Variants in PTPRM observed in about 807,000 individuals in gnomAD.
PTPRM encodes receptor-type tyrosine-protein phosphatase mu.
PTPRM carries 47 observed loss-of-function variants against 186.7 expected under a neutral mutation model. The ratio of observed to expected loss-of-function variants is 0.25; its 90% CI spans 0.20 to 0.32. The LOEUF (loss-of-function observed/expected upper bound fraction) is 0.32. Ranked by LOEUF, PTPRM falls within the 10% of genes least tolerant of loss-of-function variation. PTPRM has a pLI of 1.00. For missense variants in PTPRM, 1,494 were observed against 1,865.0 expected (o/e 0.80, Z 3.66); for synonymous variants, 668 against 674.9 (o/e 0.99, Z 0.16).
At chr18:7,979,120 G>A (rs1046264966) in intron 7 of PTPRM, among the ~76,000 whole-genome samples, 4 of 152,274 alleles carry the variant, frequency 2.6e-5, no homozygotes, top group East Asian at 3.9e-4. Flanking sequence ...AGGGAGGGCA[G>A]AGAGATGATT....
At chr18:8,101,025 T>C (rs1355703404) in intron 11 of PTPRM, among the ~76,000 whole-genome samples, 1 of 152,214 alleles carries the variant, frequency 6.6e-6, no homozygotes, top group East Asian at 1.9e-4. Context: ...GTGCATTCAT[T>C]TGGTAAAATC....
intron 2 of PTPRM, among the ~76,000 whole-genome samples, chr18:7,851,714 G>A (rs1050449580): frequency 6.6e-6 from 1 of 152,190 alleles, no homozygotes; most frequent in Non-Finnish European, 1.5e-5. Context: ...AGTTCTTTTG[G>A]CAAAAGAAAA....
chr18:7,926,670 G>A lies in PTPRM; in HGVS notation c.650G>A (p.Arg217Lys). 1 of 1,612,428 alleles carries A rather than the reference G, an allele frequency of 6.2e-7. No individual in the cohort carries two copies. The highest frequency in any genetic ancestry group is 8.5e-7 in the Non-Finnish European group (1 of 1,179,592). The change falls in exon 5 of 33, where the codon AGG becomes AAG. Residue 217 changes from arginine to lysine, a missense_variant. Around this residue, in one of 3 missense-constraint regions of PTPRM, gnomAD observed 296 missense variants for 345.5 expected, o/e 0.86. Coordinates refer to ENST00000580170, the MANE Select transcript of PTPRM (RefSeq NM_001105244.2). ...SAIGRTVAGD[R>K]LWLQGIDVRD... ...ATCGGCAGGACCGTGGCAGGAGACAGGCTCTGGTTACAGGTACAGTAACTC... is the reference window on the plus strand; with the variant it reads ...ATCGGCAGGACCGTGGCAGGAGACAAGCTCTGGTTACAGGTACAGTAACTC...
intron 5 of PTPRM, among the ~76,000 whole-genome samples, chr18:7,940,145 A>C (rs999133943): frequency 6.6e-6 from 1 of 152,166 alleles, no homozygotes; most frequent in African/African-American, 2.4e-5. Context: ...AGGGAATGGA[A>C]TCTGGGGACC....
At chr18:7,819,144 T>A (rs2045023107) in intron 2 of PTPRM, among the ~76,000 whole-genome samples, 1 of 151,950 alleles carries the variant, frequency 6.6e-6, no homozygotes, top group Admixed American at 6.6e-5. Context: ...GGCAGGGGAG[T>A]CCTGGGAGGA....
chr18:8,261,293 G>A (rs1473792772), intron 19 of PTPRM, among the ~76,000 whole-genome samples: 1 of 152,184 alleles, frequency 6.6e-6, no homozygotes, highest in African/African-American at 2.4e-5. Context: ...AATGCATTAA[G>A]AATCACACGG....
intron 19 of PTPRM, among the ~76,000 whole-genome samples, chr18:8,261,145 C>T (rs1601527910): frequency 6.6e-6 from 1 of 152,264 alleles, no homozygotes; most frequent in South Asian, 2.1e-4. Flanking sequence ...TTTCGAGGGA[C>T]CAGCTGAGTC....
At chr18:7,955,796 C>G (rs2053271021) in intron 7 of PTPRM, among the ~76,000 whole-genome samples, 2 of 152,124 alleles carry the variant, frequency 1.3e-5, no homozygotes, top group Admixed American at 1.3e-4. Context: ...TGCCAGCAGC[C>G]TGGAGGGGCT....
At chr18:7,930,777 G>A (rs1231200404) in intron 5 of PTPRM, among the ~76,000 whole-genome samples, 1 of 152,048 alleles carries the variant, frequency 6.6e-6, no homozygotes, top group Non-Finnish European at 1.5e-5. Context: ...CCAAGGTTTT[G>A]ATTTTTTTAA....
rs1010551012 is a variant in PTPRM, at chr18:8,315,535, G to A, written c.2919+678G>A. ...GAAAGAATGAATGAAATCAAAAGTA[G>A]ACTGAAAAATCAAGGGAAAGTTGCT... On this transcript the variant is annotated intron_variant, in intron 21 of 32. Coordinates refer to ENST00000580170, the MANE Select transcript of PTPRM (RefSeq NM_001105244.2). Among the ~76,000 whole-genome samples the A allele has an allele frequency of 3.9e-5, 6 of 152,172 alleles. No individual in the cohort carries two copies. The East Asian group carries it at 1.2e-3, about 29-fold the overall frequency.
intron 32 of PTPRM, among the ~76,000 whole-genome samples, chr18:8,401,519 AG>A (rs1256490844): frequency 2.0e-5 from 3 of 152,208 alleles, no homozygotes; most frequent in African/African-American, 7.2e-5. Context: ...TCCAGCCCGA[AG>A]GATCTGTCCG....
chr18:7,932,112 A>G (rs1374251008), intron 5 of PTPRM, among the ~76,000 whole-genome samples: 1 of 152,180 alleles, frequency 6.6e-6, no homozygotes, highest in Non-Finnish European at 1.5e-5. Context: ...AGTGGGTGGG[A>G]AATACAAAGG....
intron 13 of PTPRM, among the ~76,000 whole-genome samples, chr18:8,136,124 A>C (rs1250697708): frequency 1.3e-5 from 2 of 152,226 alleles, no homozygotes; most frequent in African/African-American, 4.8e-5. Flanking sequence ...AGTTTCAAGC[A>C]AATGGTTGGA....
intron 1 of PTPRM, among the ~76,000 whole-genome samples, chr18:7,631,244 T>C (rs2038184037): frequency 6.6e-6 from 1 of 152,182 alleles, no homozygotes; most frequent in Non-Finnish European, 1.5e-5. Flanking sequence ...CAGCTTTAAA[T>C]TGAAACTGAA....
chr18:8,116,218 CT>C (rs1262406097), intron 13 of PTPRM, among the ~76,000 whole-genome samples: 4 of 152,164 alleles, frequency 2.6e-5, no homozygotes, highest in Non-Finnish European at 5.9e-5. Flanking sequence ...CAAAATACTG[CT>C]GTATTACATT....
chr18:7,852,368 G>A (rs911806896), intron 2 of PTPRM, among the ~76,000 whole-genome samples: 1 of 151,816 alleles, frequency 6.6e-6, no homozygotes, highest in Non-Finnish European at 1.5e-5. Context: ...CTAGAGGCCA[G>A]GAGTTCAAGA....
At chr18:7,736,525 C>T (rs951305090) in intron 1 of PTPRM, among the ~76,000 whole-genome samples, 1 of 152,102 alleles carries the variant, frequency 6.6e-6, no homozygotes, top group Non-Finnish European at 1.5e-5. Flanking sequence ...CTTTATTCAG[C>T]TGGGAGCATC....
chr18:7,913,593 C>T (rs2050395995), intron 4 of PTPRM, among the ~76,000 whole-genome samples: 1 of 152,086 alleles, frequency 6.6e-6, no homozygotes, highest in African/African-American at 2.4e-5. Context: ...TGGTTTCCAT[C>T]CTATATTCTG....
At chr18:7,775,954 T>C (rs1687628373) in intron 2 of PTPRM, among the ~76,000 whole-genome samples, 1 of 152,176 alleles carries the variant, frequency 6.6e-6, no homozygotes, top group Middle Eastern at 3.2e-3. Flanking sequence ...CTTTAAAATA[T>C]TAAAATCATA....
Sources: gnomAD v4.1 joint callset for allele counts (sites outside exome capture counted in the v4.1 genomes callset) on GRCh38, gnomAD v4.1.1 for gene constraint, gnomAD v4.1.1 regional missense constraint, MANE v1.5 for transcripts, NCBI Gene and HGNC (gene_info 2026-07-23, HGNC 2026-07-21) for gene names.